Variants in NRG3 observed in about 807,000 individuals in gnomAD.
NRG3 encodes the protein pro-neuregulin-3, membrane-bound isoform.
A neutral mutation model predicts 66.9 loss-of-function variants in NRG3; 31 were observed. The observed-to-expected ratio is 0.46, with a 90% CI of 0.35 to 0.63. The LOEUF (loss-of-function observed/expected upper bound fraction) is 0.63, where lower values mean the gene tolerates loss of function less well. Ranked by LOEUF, NRG3 falls within the 20% of genes least tolerant of loss-of-function variation. The probability of loss-of-function intolerance (pLI) is 0.00; values close to 1 mark genes in which losing one functional copy is unlikely to be tolerated. For synonymous variants in NRG3, 393 were observed against 359.4 expected, an observed-to-expected ratio of 1.09 and a Z score of -1.06; for missense variants, 910 against 878.9, an observed-to-expected ratio of 1.04 and a Z score of -0.45.
chr10:82,708,539 C>A (rs888148017), intron 2 of NRG3, among the ~76,000 whole-genome samples: 1 of 152,110 alleles, frequency 6.6e-6, no homozygotes, highest in Non-Finnish European at 1.5e-5. Flanking sequence ...GTTTCACTCC[C>A]GGTACCACCT....
intron 3 of NRG3, among the ~76,000 whole-genome samples, chr10:82,810,624 G>A (rs1053340961): frequency 5.3e-5 from 8 of 151,590 alleles, no homozygotes; most frequent in South Asian, 2.1e-4. Flanking sequence ...TTAGCCAGGC[G>A]TGCTGGTGGG....
intron 1 of NRG3, among the ~76,000 whole-genome samples, chr10:82,072,873 C>A (rs1324875996): frequency 6.6e-6 from 1 of 151,918 alleles, no homozygotes; most frequent in Non-Finnish European, 1.5e-5. Context: ...CTCAAGTGAG[C>A]CTTCCTCCTC....
chr10:82,915,991 A>T (rs1262892524), intron 4 of NRG3, among the ~76,000 whole-genome samples: 5 of 152,290 alleles, frequency 3.3e-5, no homozygotes, highest in African/African-American at 9.6e-5. Flanking sequence ...GCTAGATCTC[A>T]GTAGCCTTTT....
intron 2 of NRG3, among the ~76,000 whole-genome samples, chr10:82,685,564 C>G (rs1485227661): frequency 6.6e-6 from 1 of 152,248 alleles, no homozygotes; most frequent in Middle Eastern, 3.4e-3. Context: ...AAACACTGTA[C>G]AGTTAGGCTA....
chr10:82,065,919 G>A (rs948491611), intron 1 of NRG3, among the ~76,000 whole-genome samples: 14 of 152,104 alleles, frequency 9.2e-5, no homozygotes, highest in Admixed American at 5.9e-4. Flanking sequence ...TAGTTTTTAT[G>A]TCAGGAACAA....
intron 2 of NRG3, among the ~76,000 whole-genome samples, chr10:82,461,252 A>G (rs1235259121): frequency 6.6e-6 from 1 of 151,952 alleles, no homozygotes; most frequent in Non-Finnish European, 1.5e-5. Flanking sequence ...CACCACTGCC[A>G]CCACCACCAT....
chr10:82,253,973 G>A (rs1355407575), intron 1 of NRG3, among the ~76,000 whole-genome samples: 5 of 152,002 alleles, frequency 3.3e-5, no homozygotes, highest in Admixed American at 3.3e-4. Flanking sequence ...AACAGCTCCC[G>A]TTCATTACCC....
chr10:82,007,398 C>T lies in NRG3; in HGVS notation c.823+131235C>T, dbSNP rs557626171. On this transcript the variant is annotated intron_variant, in intron 1 of 8. Transcript: ENST00000372141. ...CTAATTTTTATATTTTTAGTAGAGA[C>T]GGGGTTTCACAATGTTGGCCAGATG... Among the ~76,000 whole-genome samples, 248 of 151,756 alleles carry T rather than the reference C, an allele frequency of 1.6e-3. 1 individual carries two copies. The highest frequency in any genetic ancestry group is 9.4e-3 in the Admixed American group (143 of 15,224).
intron 2 of NRG3, among the ~76,000 whole-genome samples, chr10:82,599,712 G>T (rs1406256187): frequency 1.3e-5 from 2 of 152,144 alleles, no homozygotes; most frequent in African/African-American, 4.8e-5. Flanking sequence ...AGCTACTTGG[G>T]AGGCTGAGGC....
intron 4 of NRG3, among the ~76,000 whole-genome samples, chr10:82,912,598 A>G (rs779609516): frequency 6.6e-6 from 1 of 152,180 alleles, no homozygotes; most frequent in Non-Finnish European, 1.5e-5. Context: ...GTTTTTAAAA[A>G]TATACTTCGA....
chr10:82,534,195 A>G (rs1216405115), intron 2 of NRG3, among the ~76,000 whole-genome samples: 1 of 151,212 alleles, frequency 6.6e-6, no homozygotes, highest in Non-Finnish European at 1.5e-5. Flanking sequence ...ACCCAAAGCA[A>G]TCTACAAATT....
chr10:81,944,913 CT>C (rs1848713845), intron 1 of NRG3, among the ~76,000 whole-genome samples: 1 of 152,086 alleles, frequency 6.6e-6, no homozygotes, highest in Admixed American at 6.6e-5. Flanking sequence ...TGGGGTGTGA[CT>C]TATTTTTGCA....
chr10:82,153,579 G>A (rs920044719), intron 1 of NRG3, among the ~76,000 whole-genome samples: 9 of 151,978 alleles, frequency 5.9e-5, no homozygotes, highest in South Asian at 2.1e-4. Context: ...CATATACTCC[G>A]TAGATGGATT....
At chr10:82,888,300 A>G (rs1270433104) in intron 4 of NRG3, among the ~76,000 whole-genome samples, 1 of 152,182 alleles carries the variant, frequency 6.6e-6, no homozygotes, top group Admixed American at 6.5e-5. Context: ...AAATAAATAA[A>G]TGGTTACATA....
chr10:82,410,604 A>T (rs1217739463), intron 2 of NRG3, among the ~76,000 whole-genome samples: 14 of 151,752 alleles, frequency 9.2e-5, no homozygotes, highest in Non-Finnish European at 8.8e-5. Context: ...GAGAAGAGTG[A>T]TGAGAGGTTG....
At chr10:82,598,213 G>A (rs2047402602) in intron 2 of NRG3, among the ~76,000 whole-genome samples, 1 of 152,130 alleles carries the variant, frequency 6.6e-6, no homozygotes, top group Non-Finnish European at 1.5e-5. Flanking sequence ...ATAATAGCTA[G>A]CAGACGCTTC....
chr10:82,391,698 G>A (rs974208001), intron 2 of NRG3, among the ~76,000 whole-genome samples: 6 of 152,112 alleles, frequency 3.9e-5, no homozygotes, highest in African/African-American at 1.4e-4. Context: ...GGGAAAAAAT[G>A]AGTCCACTCA....
At chr10:82,576,765 T>TG (rs988346308) in intron 2 of NRG3, among the ~76,000 whole-genome samples, 1 of 151,706 alleles carries the variant, frequency 6.6e-6, no homozygotes, top group African/African-American at 2.4e-5. Context: ...GAGGATTTTA[T>TG]CTTGTAAACT....
At chr10:82,812,307 A>T (rs1591599496) in intron 3 of NRG3, among the ~76,000 whole-genome samples, 2 of 152,300 alleles carry the variant, frequency 1.3e-5, no homozygotes, top group East Asian at 3.9e-4. Context: ...TTAACAACCC[A>T]AATTTAAAGA....
Sources: gnomAD v4.1 joint callset for allele counts (sites outside exome capture counted in the v4.1 genomes callset) on GRCh38, gnomAD v4.1.1 for gene constraint, MANE v1.5 for transcripts, NCBI Gene and HGNC (gene_info 2026-07-23, HGNC 2026-07-21) for gene names.